B4GALNT3: variants seen among roughly 807,000 people sequenced by gnomAD.
The protein encoded by B4GALNT3 is beta-1,4-N-acetyl-galactosaminyltransferase 3, also known as beta-1,4-N-acetylgalactosaminyltransferase 3.
Under a neutral mutation model 120.2 loss-of-function variants are expected in B4GALNT3, and 86 were observed. The ratio of observed to expected loss-of-function variants is 0.72; its 90% confidence interval spans 0.60 to 0.86. The LOEUF (loss-of-function observed/expected upper bound fraction) is 0.86, where lower values mean the gene tolerates loss of function less well. Among genes scored for constraint, B4GALNT3 ranks in the 40% least tolerant of loss-of-function variants. B4GALNT3 has a pLI of 0.00. For synonymous variants in B4GALNT3, 518 were observed against 510.4 expected (o/e 1.01, Z -0.20); for missense variants, 1,167 against 1,298.9 (o/e 0.90, Z 1.56).
chr12:561,599 C>A lies in B4GALNT3; in HGVS notation c.*148C>A. The A allele has an allele frequency of 3.2e-6, 2 of 632,690 alleles. No homozygotes were observed. Among genetic ancestry groups the A allele is most frequent in the Non-Finnish European group, 5.4e-6 (2 of 367,460 alleles). The allele number at this position is 632,690 out of a possible 1,614,324, so 39.2% of individuals were successfully genotyped here. On this transcript the variant is annotated 3_prime_UTR_variant, in exon 20 of 20. Transcript: ENST00000266383. Reference sequence around the variant, plus strand: ...GACGGCCCACTCCACCTGGAGCTGTCCCCTCACAGAGGCAGGTTCCGGGGC... The same window carrying A: ...GACGGCCCACTCCACCTGGAGCTGTACCCTCACAGAGGCAGGTTCCGGGGC...
intron 6 of B4GALNT3, among the ~76,000 whole-genome samples, 200 bp downstream of exon 6, chr12:545,669 G>A (rs1231626769): frequency 5.8e-5 from 8 of 138,556 alleles, no homozygotes; most frequent in Non-Finnish European, 9.6e-5. Context: ...GGGGAGGAGC[G>A]AGGTGTGGGG....
chr12:547,391 T>A (rs1265744630), intron 7 of B4GALNT3, among the ~76,000 whole-genome samples: 1 of 152,124 alleles, frequency 6.6e-6, no homozygotes, highest in Non-Finnish European at 1.5e-5. Flanking sequence ...GGTGAAGGGA[T>A]CCTAAATCCC....
chr12:514,143 T>C (rs1946625617), intron 1 of B4GALNT3, among the ~76,000 whole-genome samples: 1 of 152,158 alleles, frequency 6.6e-6, no homozygotes, highest in Admixed American at 6.5e-5. Context: ...ACCAGCCATG[T>C]ATGAGGGTTC....
rs1057324908 is a variant in B4GALNT3, at chr12:553,100, G to T, written c.1271-94G>T. 12 of 1,523,016 alleles carry T rather than the reference G, an allele frequency of 7.9e-6. No individual in the cohort carries two copies. The African/African-American group carries it at 1.7e-4, about 21-fold the overall frequency. 94.3% of individuals were successfully genotyped at this position (1,523,016 alleles called of 1,614,324 possible). The stretch of plus-strand genomic sequence containing the variant: ...TTCAACCCCAGTCTGGAGCCCCATG[G>T]TGCGTCACACGTATGATCATCCTCT... On this transcript the variant is annotated intron_variant, in intron 13 of 19. Coordinates refer to ENST00000266383, the MANE Select transcript of B4GALNT3 (RefSeq NM_173593.4).
At chr12:516,019 G>A (rs182096031) in intron 1 of B4GALNT3, among the ~76,000 whole-genome samples, 9 of 152,156 alleles carry the variant, frequency 5.9e-5, no homozygotes, top group African/African-American at 1.2e-4. Context: ...GGTGGCGGGT[G>A]CCTGTAGTCC....
At chr12:465,105 C>G (rs1294569370) in intron 1 of B4GALNT3, among the ~76,000 whole-genome samples, 1 of 152,168 alleles carries the variant, frequency 6.6e-6, no homozygotes, top group Non-Finnish European at 1.5e-5. Context: ...GCACAACCGC[C>G]TCGTGTGCTC....
intron 1 of B4GALNT3, among the ~76,000 whole-genome samples, chr12:521,719 A>G (rs1946711108): frequency 1.3e-5 from 2 of 152,144 alleles, no homozygotes; most frequent in Non-Finnish European, 2.9e-5. Flanking sequence ...TGACACGTTG[A>G]TGTTGCCGCA....
In B4GALNT3 at chr12:559,301, G is replaced by A; in HGVS notation, c.2768G>A (p.Trp923Ter). The A allele has an allele frequency of 6.2e-7, 1 of 1,614,012 alleles. No individual in the cohort carries two copies. The highest frequency in any genetic ancestry group is 8.5e-7 in the Non-Finnish European group (1 of 1,179,916). ...GATPQWPEGYWEVNGFGLLGI... is the reference protein window; with the variant it reads ...GATPQWPEGY ...AGCTCCTGTCTGTCCACAGGCTACT[G>A]GGAGGTGAATGGGTTCGGGCTGCTT... Residue 923 changes from tryptophan to a stop codon, truncating the protein, a stop_gained, in exon 19 of 20, where the codon TGG becomes TAG. Transcript: ENST00000266383. LOFTEE classifies it high-confidence loss of function.
intron 1 of B4GALNT3, among the ~76,000 whole-genome samples, chr12:506,626 A>G (rs1345287014): frequency 6.6e-6 from 1 of 151,954 alleles, no homozygotes; most frequent in Non-Finnish European, 1.5e-5. Flanking sequence ...GTGCATTTTT[A>G]TTTATTTTTT....
intron 14 of B4GALNT3, among the ~76,000 whole-genome samples, chr12:554,402 TTCA>T (rs1224751174): frequency 6.6e-6 from 1 of 152,238 alleles, no homozygotes; most frequent in Non-Finnish European, 1.5e-5. Context: ...TGTGTTTTCA[TTCA>T]TCCATTCATT....
At chr12:471,955 TTTTTAATA>T (rs1439123693) in intron 1 of B4GALNT3, among the ~76,000 whole-genome samples, 5 of 152,344 alleles carry the variant, frequency 3.3e-5, no homozygotes, top group Middle Eastern at 3.4e-3. Context: ...TCATCTAGCA[TTTTTAATA>T]TTTTGCTGTG....
intron 1 of B4GALNT3, among the ~76,000 whole-genome samples, chr12:483,729 G>A (rs770162993): frequency 6.6e-6 from 1 of 152,204 alleles, no homozygotes; most frequent in African/African-American, 2.4e-5. Flanking sequence ...TTATGTGCAC[G>A]TGGCACATGT....
intron 1 of B4GALNT3, among the ~76,000 whole-genome samples, chr12:529,654 T>C (rs1393917279): frequency 6.6e-6 from 1 of 152,270 alleles, no homozygotes; most frequent in Non-Finnish European, 1.5e-5. Flanking sequence ...ACTCTTAGCA[T>C]AGTGCCTTGT....
chr12:537,265 G>T (rs7299492), intron 3 of B4GALNT3, among the ~76,000 whole-genome samples: 2,555 of 152,276 alleles, frequency 0.017, 83 homozygotes, highest in African/African-American at 0.058. Context: ...TACAGGCTTT[G>T]ATAGATTGTG....
At chr12:504,312 CAAA>C (rs201713327) in intron 1 of B4GALNT3, among the ~76,000 whole-genome samples, 1 of 111,764 alleles carries the variant, frequency 8.9e-6, no homozygotes, top group Non-Finnish European at 2.0e-5. Context: ...CACAATTTTT[CAAA>C]AAAAAAAAAA....
intron 19 of B4GALNT3, 25 bp downstream of exon 19, chr12:559,446 A>G: frequency 6.2e-7 from 1 of 1,611,516 alleles, no homozygotes; most frequent in South Asian, 1.1e-5. Flanking sequence ...GAGGGCATCC[A>G]CGAGGCCTGG....
intron 1 of B4GALNT3, among the ~76,000 whole-genome samples, chr12:522,380 A>G (rs937323550): frequency 2.0e-5 from 3 of 152,260 alleles, no homozygotes; most frequent in Admixed American, 6.5e-5. Context: ...GAACCTTGAG[A>G]ACACGTGAAG....
At chr12:502,381 TTA>T (rs1592026080) in intron 1 of B4GALNT3, among the ~76,000 whole-genome samples, 1 of 152,280 alleles carries the variant, frequency 6.6e-6, no homozygotes, top group East Asian at 1.9e-4. Flanking sequence ...TGCCTCCTAA[TTA>T]TACGCTCTGG....
chr12:541,172 G>T (rs1009048055), intron 3 of B4GALNT3, among the ~76,000 whole-genome samples: 1 of 152,244 alleles, frequency 6.6e-6, no homozygotes, highest in African/African-American at 2.4e-5. Context: ...GCGGCCCAGT[G>T]AGGGCCCGGC....
Sources: allele counts gnomAD v4.1 joint callset (sites outside exome capture counted in the v4.1 genomes callset), GRCh38; gene constraint gnomAD v4.1.1; transcripts MANE v1.5; gene names NCBI Gene and HGNC (gene_info 2026-07-23, HGNC 2026-07-21).